ZNG1E: variants seen among roughly 807,000 people sequenced by gnomAD.
ZNG1E encodes Zn regulated GTPase metalloprotein activator 1E, also known as zinc-regulated GTPase metalloprotein activator 1E.
the ZNG1E span, chr9:65,719,434 T>C: frequency 7.5e-6 from 1 of 133,096 alleles, no homozygotes; most frequent in Non-Finnish European, 1.6e-5. Flanking sequence ...GCTACAGTTA[T>C]TATGGTTGTA....
chr9:65,727,286 A>G, the ZNG1E span, among the ~76,000 whole-genome samples: 4 of 149,358 alleles, frequency 2.7e-5, no homozygotes, highest in South Asian at 2.1e-4. Context: ...TCTTTAAAGC[A>G]TAAATATCAC....
the ZNG1E span, among the ~76,000 whole-genome samples, chr9:65,659,813 T>C: frequency 2.0e-5 from 3 of 151,912 alleles, no homozygotes; most frequent in East Asian, 1.9e-4. Flanking sequence ...TGGCCTGCTT[T>C]GGTCTGGGAT....
chr9:65,657,645 G>T, the ZNG1E span, among the ~76,000 whole-genome samples: 1 of 152,222 alleles, frequency 6.6e-6, no homozygotes, highest in Non-Finnish European at 1.5e-5. Context: ...AAATCTAATA[G>T]TTGCTAGCAC....
At chr9:65,686,666 T>C in the ZNG1E span, among the ~76,000 whole-genome samples, 2 of 152,192 alleles carry the variant, frequency 1.3e-5, no homozygotes, top group East Asian at 1.9e-4. Context: ...AAAAAATAAG[T>C]CTGTTACTTA....
the ZNG1E span, chr9:65,691,040 C>A: frequency 6.5e-7 from 1 of 1,529,004 alleles, no homozygotes; most frequent in South Asian, 1.2e-5. Context: ...AGTTAAAAAA[C>A]AGTTTTCTTT....
the ZNG1E span, among the ~76,000 whole-genome samples, chr9:65,658,421 AAAG>A: frequency 1.3e-5 from 2 of 151,548 alleles, no homozygotes; most frequent in Non-Finnish European, 3.0e-5. Context: ...TAGAAAAGAA[AAAG>A]AAAAAAATTA....
chr9:65,662,962 A>G, the ZNG1E span, among the ~76,000 whole-genome samples: 1 of 152,236 alleles, frequency 6.6e-6, no homozygotes, highest in Non-Finnish European at 1.5e-5. Flanking sequence ...TTTAGAATTC[A>G]AAGTCTGATT....
At chr9:65,685,064 AAAAAAG>A in the ZNG1E span, among the ~76,000 whole-genome samples, 1 of 148,744 alleles carries the variant, frequency 6.7e-6, no homozygotes, top group African/African-American at 2.4e-5. Context: ...AAAAAAAAAA[AAAAAAG>A]CTGTGTTTAT....
chr9:65,728,291 T>C, the ZNG1E span, among the ~76,000 whole-genome samples: 1 of 150,892 alleles, frequency 6.6e-6, no homozygotes, highest in Non-Finnish European at 1.5e-5. Flanking sequence ...CATCAAAAAG[T>C]TGGAAAGAGC....
the ZNG1E span, among the ~76,000 whole-genome samples, chr9:65,702,384 T>C: frequency 9.9e-5 from 15 of 151,478 alleles, no homozygotes; most frequent in Non-Finnish European, 1.9e-4. Flanking sequence ...TACAAAGCCA[T>C]ATTCTATAGT....
the ZNG1E span, among the ~76,000 whole-genome samples, chr9:65,714,892 C>A: frequency 6.6e-6 from 1 of 151,918 alleles, no homozygotes; most frequent in African/African-American, 2.4e-5. Flanking sequence ...CCTACAGAGG[C>A]AGGCAGGCTT....
At chr9:65,680,975 A>T in the ZNG1E span, among the ~76,000 whole-genome samples, 13 of 152,302 alleles carry the variant, frequency 8.5e-5, no homozygotes, top group African/African-American at 2.6e-4. Flanking sequence ...ATTTTAGTAG[A>T]GATGAGGTTT....
the ZNG1E span, among the ~76,000 whole-genome samples, chr9:65,657,739 A>G: frequency 6.6e-6 from 1 of 152,284 alleles, no homozygotes; most frequent in Middle Eastern, 3.2e-3. Flanking sequence ...TTACACAAAA[A>G]AAGGATAAAT....
the ZNG1E span, among the ~76,000 whole-genome samples, chr9:65,678,632 T>C: frequency 7.0e-6 from 1 of 142,670 alleles, no homozygotes; most frequent in South Asian, 2.3e-4. Flanking sequence ...TGAATTTTAG[T>C]GTGTACGGTT....
the ZNG1E span, among the ~76,000 whole-genome samples, chr9:65,715,307 TA>T: frequency 6.6e-6 from 1 of 150,500 alleles, no homozygotes; most frequent in Non-Finnish European, 1.5e-5. Context: ...TGGCACTCCC[TA>T]GTGAGATGAA....
At chr9:65,691,504 A>G in the ZNG1E span, among the ~76,000 whole-genome samples, 1 of 152,292 alleles carries the variant, frequency 6.6e-6, no homozygotes, top group Admixed American at 6.5e-5. Flanking sequence ...CTTTGTTCAT[A>G]TAGATTAAAA....
the ZNG1E span, among the ~76,000 whole-genome samples, chr9:65,728,507 C>T: frequency 6.7e-6 from 1 of 148,422 alleles, no homozygotes; most frequent in African/African-American, 2.6e-5. Context: ...GAGAGAAAAT[C>T]CAAATAAGCT....
chr9:65,694,153 G>A, the ZNG1E span, among the ~76,000 whole-genome samples: 1,349 of 150,542 alleles, frequency 9.0e-3, no homozygotes, highest in African/African-American at 0.032. Context: ...CATATTTCTT[G>A]AAAAATGCTT....
the ZNG1E span, among the ~76,000 whole-genome samples, chr9:65,723,663 CAT>C: frequency 5.4e-5 from 7 of 129,644 alleles, no homozygotes; most frequent in East Asian, 1.4e-3. Flanking sequence ...ATGAAGAAAA[CAT>C]ATAAAAGTTA....
Sources: allele counts gnomAD v4.1 joint callset (sites outside exome capture counted in the v4.1 genomes callset), GRCh38; gene constraint gnomAD v4.1.1; transcripts MANE v1.5; gene names NCBI Gene and HGNC (gene_info 2026-07-23, HGNC 2026-07-21).